Variants in TRDN observed in about 807,000 individuals in gnomAD.
TRDN encodes the protein triadin in skeletal muscle.
A neutral mutation model predicts 149.7 loss-of-function variants in TRDN; 161 were observed. The ratio of observed to expected loss-of-function variants is 1.08; its 90% confidence interval spans 0.95 to 1.23. TRDN has a LOEUF of 1.23. TRDN is among the 50% of genes most tolerant of loss of function. The pLI is 0.00. For missense variants in TRDN, 896 were observed against 823.5 expected, an observed-to-expected ratio of 1.09 and a Z score of -1.08; for synonymous variants, 294 against 250.5, an observed-to-expected ratio of 1.17 and a Z score of -1.64.
chr6:123,289,175 A>T (rs554403540), intron 24 of TRDN, among the ~76,000 whole-genome samples: 1 of 148,856 alleles, frequency 6.7e-6, no homozygotes, highest in African/African-American at 2.5e-5. Context: ...ACACGTACAC[A>T]CACAAAATAG....
intron 24 of TRDN, among the ~76,000 whole-genome samples, chr6:123,301,725 A>ATATG (rs1363317338): frequency 1.4e-5 from 2 of 141,962 alleles, no homozygotes; most frequent in Admixed American, 7.5e-5. Context: ...CCCAGTACAT[A>ATATG]TATGTATGTA....
intron 38 of TRDN, among the ~76,000 whole-genome samples, chr6:123,250,822 T>C (rs1199844896): frequency 6.6e-6 from 1 of 152,126 alleles, no homozygotes; most frequent in African/African-American, 2.4e-5. Flanking sequence ...ACCATAGCTT[T>C]CTGTGGCACA....
At chr6:123,614,321 A>AC (rs1784976726) in intron 1 of TRDN, among the ~76,000 whole-genome samples, 1 of 150,380 alleles carries the variant, frequency 6.6e-6, no homozygotes, top group Non-Finnish European at 1.5e-5. Context: ...AAAACAAAAA[A>AC]AACCCTCAAA....
intron 20 of TRDN, among the ~76,000 whole-genome samples, chr6:123,356,704 G>A (rs1226294443): frequency 6.7e-6 from 1 of 149,728 alleles, no homozygotes; most frequent in African/African-American, 2.4e-5. Flanking sequence ...AAACCATCTG[G>A]CTAAAATTGA....
At chr6:123,339,651 T>A (rs774612006) in intron 21 of TRDN, among the ~76,000 whole-genome samples, 3 of 152,126 alleles carry the variant, frequency 2.0e-5, no homozygotes, top group Non-Finnish European at 2.9e-5. Context: ...ATTTGCTTTG[T>A]TCACACAGAC....
At chr6:123,260,582 C>T (rs1288943906) in intron 34 of TRDN, 30 bp downstream of exon 34, 2 of 1,426,076 alleles carry the variant, frequency 1.4e-6, no homozygotes, top group Non-Finnish European at 1.8e-6. Context: ...ACAACTGTAT[C>T]TTATCTCCTC....
intron 35 of TRDN, among the ~76,000 whole-genome samples, chr6:123,256,987 CTT>C (rs34052517): frequency 1.7e-3 from 249 of 142,742 alleles, no homozygotes; most frequent in Admixed American, 2.5e-3. Context: ...TCTTTTCTTT[CTT>C]TTTTTTTTTT....
rs542663646 is a variant in TRDN at position 123,548,794 on chromosome 6, C to T, written c.233-182G>A. Among the ~76,000 whole-genome samples the T allele has an allele frequency of 7.2e-5, 11 of 151,954 alleles. No homozygotes were observed. The East Asian group carries it at 2.1e-3, about 29-fold the overall frequency. On this transcript the variant is annotated intron_variant, in intron 2 of 40. Transcript: ENST00000334268. Reference sequence around the variant, plus strand: ...AGAAACTTCATCTTGCTATAATATGCATGCATGCCAAGAAAGAAAATGCCC... The same window carrying T: ...AGAAACTTCATCTTGCTATAATATGTATGCATGCCAAGAAAGAAAATGCCC...
chr6:123,260,642 T>TACA lies in TRDN; in HGVS notation c.1805-5_1805-4insTGT. On this transcript the variant is annotated splice_polypyrimidine_tract_variant and splice_region_variant and intron_variant, in intron 33 of 40. Transcript: ENST00000334268. ...TCTGTGACTTCTGATGTTCCTTCTTTAGAAAAAAAAAAAAAAAGAATGTAG... is the reference window on the plus strand; with the variant it reads ...TCTGTGACTTCTGATGTTCCTTCTTTACAAGAAAAAAAAAAAAAAAGAATGTAG... 1 of 916,298 alleles carries TACA rather than the reference T, an allele frequency of 1.1e-6. No individual in the cohort carries two copies. Among genetic ancestry groups the TACA allele is most frequent in the Non-Finnish European group, 1.4e-6 (1 of 730,654 alleles). The allele number at this position is 916,298 out of a possible 1,614,324, so 56.8% of individuals were successfully genotyped here. A position where few individuals can be genotyped will look rare whatever the true frequency, so the allele number is the denominator to read the frequency against.
At chr6:123,503,255 C>G in intron 8 of TRDN, 1 of 985,172 alleles carries the variant, frequency 1.0e-6, no homozygotes, top group Non-Finnish European at 1.2e-6. Context: ...TGTGCTCTTG[C>G]CAATGCAACA....
At chr6:123,471,242 CTT>C (rs1007450216) in intron 9 of TRDN, 55 of 152,142 alleles carry the variant, frequency 3.6e-4, no homozygotes, top group Admixed American at 3.4e-3. Flanking sequence ...TATAATTTGA[CTT>C]GAGTATCTGG....
intron 19 of TRDN, among the ~76,000 whole-genome samples, chr6:123,369,791 T>G (rs1382913774): frequency 1.3e-5 from 2 of 152,124 alleles, no homozygotes; most frequent in Admixed American, 1.3e-4. Flanking sequence ...CCTTCCATAT[T>G]TTTTTCTGGA....
At chr6:123,387,194 C>T (rs372158840) in intron 14 of TRDN, among the ~76,000 whole-genome samples, 14 of 152,130 alleles carry the variant, frequency 9.2e-5, no homozygotes, top group African/African-American at 3.1e-4. Flanking sequence ...TCATTTTCAC[C>T]TCAGGACTCC....
intron 9 of TRDN, among the ~76,000 whole-genome samples, chr6:123,491,002 A>G (rs1249946958): frequency 6.6e-6 from 1 of 152,034 alleles, no homozygotes; most frequent in Non-Finnish European, 1.5e-5. Context: ...GCTACTCGCA[A>G]GGCTGAGGCA....
chr6:123,557,246 AC>A (rs1426139599), intron 2 of TRDN, among the ~76,000 whole-genome samples: 4 of 152,128 alleles, frequency 2.6e-5, no homozygotes, highest in African/African-American at 9.7e-5. Flanking sequence ...CTTCACACAG[AC>A]ATGAGTGAAA....
chr6:123,462,961 TG>T (rs1268793616), intron 10 of TRDN: 3 of 152,190 alleles, frequency 2.0e-5, no homozygotes, highest in Non-Finnish European at 4.4e-5. Flanking sequence ...GAGAAGACAC[TG>T]ACAAAGGCTT....
At chr6:123,243,658 A>G (rs1776070434) in intron 38 of TRDN, among the ~76,000 whole-genome samples, 1 of 152,196 alleles carries the variant, frequency 6.6e-6, no homozygotes. Flanking sequence ...GGAAACCTTT[A>G]TCAAGTAAAA....
intron 9 of TRDN, among the ~76,000 whole-genome samples, chr6:123,489,973 A>G (rs1311295463): frequency 6.6e-6 from 1 of 152,118 alleles, no homozygotes; most frequent in Non-Finnish European, 1.5e-5. Flanking sequence ...ATAACTTCAA[A>G]TAGAAGAAAA....
chr6:123,480,243 C>T (rs1382807443), intron 9 of TRDN, among the ~76,000 whole-genome samples: 5 of 137,956 alleles, frequency 3.6e-5, no homozygotes, highest in African/African-American at 7.7e-5. Flanking sequence ...AGTGACACTC[C>T]GTTTCCAAAA....
Sources: gnomAD v4.1 joint callset for allele counts (sites outside exome capture counted in the v4.1 genomes callset) on GRCh38, gnomAD v4.1.1 for gene constraint, MANE v1.5 for transcripts, NCBI Gene and HGNC (gene_info 2026-07-23, HGNC 2026-07-21) for gene names.